IMMP2L: variants seen among roughly 807,000 people sequenced by gnomAD.
IMMP2L encodes inner mitochondrial membrane peptidase subunit 2.
In IMMP2L, 18 loss-of-function variants were observed where a neutral mutation model predicts 19.3. The observed-to-expected ratio is 0.93, with a 90% CI of 0.64 to 1.38. The LOEUF (loss-of-function observed/expected upper bound fraction) is 1.38. Among genes scored for constraint, IMMP2L ranks in the 40% most tolerant of loss-of-function variants. The pLI is 0.00. For missense variants in IMMP2L, 233 were observed against 218.2 expected (o/e 1.07, Z -0.43); for synonymous variants, 76 against 73.0 (o/e 1.04, Z -0.21).
At chr7:111,055,128 G>T (rs1329699449) in intron 3 of IMMP2L, among the ~76,000 whole-genome samples, 1 of 151,066 alleles carries the variant, frequency 6.6e-6, no homozygotes, top group African/African-American at 2.4e-5. Context: ...ACGTCTCACT[G>T]CAGTCTCAAA....
At chr7:111,337,657 T>G (rs1826579890) in intron 3 of IMMP2L, among the ~76,000 whole-genome samples, 1 of 149,838 alleles carries the variant, frequency 6.7e-6, no homozygotes, top group African/African-American at 2.5e-5. Context: ...AGAAACTAAG[T>G]ACCATACATG....
At chr7:110,798,614 T>A (rs1486622914) in intron 5 of IMMP2L, among the ~76,000 whole-genome samples, 1 of 152,002 alleles carries the variant, frequency 6.6e-6, no homozygotes, top group Admixed American at 6.6e-5. Flanking sequence ...AAATTGAGAT[T>A]AATGCTAGAA....
intron 3 of IMMP2L, among the ~76,000 whole-genome samples, chr7:111,377,905 T>C (rs961338202): frequency 4.6e-5 from 7 of 152,010 alleles, no homozygotes; most frequent in African/African-American, 1.7e-4. Flanking sequence ...TAATGTACCA[T>C]AATTGATTTT....
intron 3 of IMMP2L, among the ~76,000 whole-genome samples, chr7:111,272,032 C>T (rs897515045): frequency 6.6e-6 from 1 of 152,090 alleles, no homozygotes; most frequent in Non-Finnish European, 1.5e-5. Flanking sequence ...TCTACTTTTT[C>T]CCCACCCGAT....
In IMMP2L at chr7:111,518,196, T is replaced by A. The variant is rs982919103; in HGVS notation, c.135+3117A>T. On this transcript the variant is annotated intron_variant, in intron 2 of 5. Transcript: ENST00000405709. ...GTAGTGTTTAAAAAGTAAATAAGTA[T>A]TTCTCATAGAGGGAATCTTAAAAAC... Among the ~76,000 whole-genome samples the A allele has an allele frequency of 5.9e-5, 9 of 152,180 alleles. No individual in the cohort carries two copies. In the East Asian group the frequency reaches 1.7e-3, roughly 29 times the overall value.
intron 2 of IMMP2L, among the ~76,000 whole-genome samples, chr7:111,500,801 T>A (rs887273467): frequency 1.3e-5 from 2 of 151,974 alleles, no homozygotes; most frequent in Non-Finnish European, 2.9e-5. Context: ...AGAAAGGACA[T>A]CCACACCAAA....
At chr7:111,412,851 C>T (rs1022397065) in intron 3 of IMMP2L, among the ~76,000 whole-genome samples, 22 of 150,912 alleles carry the variant, frequency 1.5e-4, no homozygotes, top group Admixed American at 2.0e-4. Flanking sequence ...TAAACTTCTA[C>T]GTTAACAAGG....
At chr7:110,791,752 A>T (rs977861846) in intron 5 of IMMP2L, among the ~76,000 whole-genome samples, 1 of 151,772 alleles carries the variant, frequency 6.6e-6, no homozygotes, top group African/African-American at 2.4e-5. Context: ...CTGAGAGGAG[A>T]CCCTAGCCTG....
chr7:111,221,499 C>CAG (rs1203113821), intron 3 of IMMP2L, among the ~76,000 whole-genome samples: 3 of 150,270 alleles, frequency 2.0e-5, no homozygotes, highest in Admixed American at 6.6e-5. Context: ...AATACTGAAA[C>CAG]AGAGAGAGAG....
chr7:111,110,355 A>C (rs1563252870), intron 3 of IMMP2L, among the ~76,000 whole-genome samples: 1 of 152,210 alleles, frequency 6.6e-6, no homozygotes, highest in African/African-American at 2.4e-5. Flanking sequence ...ATTATGACAA[A>C]GTTTAATTAT....
chr7:111,465,567 T>A, intron 3 of IMMP2L, among the ~76,000 whole-genome samples: 1 of 133,402 alleles, frequency 7.5e-6, no homozygotes, highest in African/African-American at 2.8e-5. Context: ...AAAAGACACA[T>A]GAAAAAATGC....
intron 4 of IMMP2L, 64 bp downstream of exon 4, chr7:110,963,436 T>C: frequency 8.7e-7 from 1 of 1,146,446 alleles, no homozygotes. Flanking sequence ...ATTTCCCAAG[T>C]AATGTAGGTA....
chr7:111,406,615 C>T (rs1833919410), intron 3 of IMMP2L, among the ~76,000 whole-genome samples: 1 of 151,990 alleles, frequency 6.6e-6, no homozygotes, highest in South Asian at 2.1e-4. Flanking sequence ...TTTGCATTTG[C>T]TCTTCTGTCT....
At chr7:111,281,241 AAAGAAG>A (rs1185419125) in intron 3 of IMMP2L, among the ~76,000 whole-genome samples, 5 of 137,372 alleles carry the variant, frequency 3.6e-5, no homozygotes, top group African/African-American at 8.8e-5. Context: ...AGAAAGAAAG[AAAGAAG>A]AGAGAGAGAG....
At chr7:111,437,878 G>T (rs1563190691) in intron 3 of IMMP2L, among the ~76,000 whole-genome samples, 1 of 151,812 alleles carries the variant, frequency 6.6e-6, no homozygotes, top group Admixed American at 6.6e-5. Context: ...ACTGAATATG[G>T]TAGGTCTGGC....
chr7:110,915,137 C>G (rs1288317412), intron 4 of IMMP2L, among the ~76,000 whole-genome samples: 1 of 152,184 alleles, frequency 6.6e-6, no homozygotes, highest in Admixed American at 6.5e-5. Context: ...GTATCTGCTC[C>G]CCCGTGTTCG....
chr7:111,486,564 A>T (rs1032170304), intron 3 of IMMP2L, among the ~76,000 whole-genome samples: 4 of 152,112 alleles, frequency 2.6e-5, no homozygotes, highest in Admixed American at 2.0e-4. Context: ...GTTTGGCTAC[A>T]GTCTTCCTAG....
chr7:111,243,131 A>G (rs1815341125), intron 3 of IMMP2L, among the ~76,000 whole-genome samples: 1 of 152,156 alleles, frequency 6.6e-6, no homozygotes, highest in African/African-American at 2.4e-5. Flanking sequence ...TGTTTTGAGA[A>G]GAAACAACAG....
intron 2 of IMMP2L, among the ~76,000 whole-genome samples, chr7:111,498,123 G>A (rs1200228743): frequency 6.6e-6 from 1 of 151,912 alleles, no homozygotes; most frequent in African/African-American, 2.4e-5. Context: ...AAGCTCTTCA[G>A]TATTTAAGCA....
Sources: allele counts gnomAD v4.1 joint callset (sites outside exome capture counted in the v4.1 genomes callset), GRCh38; gene constraint gnomAD v4.1.1; transcripts MANE v1.5; gene names NCBI Gene and HGNC (gene_info 2026-07-23, HGNC 2026-07-21).